PTPRJ: variants seen among roughly 807,000 people sequenced by gnomAD.
PTPRJ encodes the protein receptor-type tyrosine-protein phosphatase eta.
In PTPRJ, 129 loss-of-function variants were observed where a neutral mutation model predicts 141.3. The observed-to-expected ratio is 0.91, with a 90% CI of 0.79 to 1.06. The LOEUF (loss-of-function observed/expected upper bound fraction) is 1.06, where lower values mean the gene tolerates loss of function less well. Ranked by LOEUF, PTPRJ falls within the 50% of genes least tolerant of loss-of-function variation. The pLI, the probability that PTPRJ is intolerant of heterozygous loss-of-function variation, is 0.00. For synonymous variants in PTPRJ, 610 were observed against 640.5 expected (o/e 0.95, Z 0.72); for missense variants, 1,601 against 1,679.7 (o/e 0.95, Z 0.82).
At chr11:48,029,906 G>T (rs1305155952) in intron 1 of PTPRJ, among the ~76,000 whole-genome samples, 1 of 152,144 alleles carries the variant, frequency 6.6e-6, no homozygotes, top group Non-Finnish European at 1.5e-5. Flanking sequence ...TTCCATGTAG[G>T]AACCTTAGCT....
chr11:48,110,030 T>C (rs749344673), intron 1 of PTPRJ, 28 bp from the exon 2 acceptor site: 18 of 1,613,358 alleles, frequency 1.1e-5, no homozygotes, highest in Non-Finnish European at 1.4e-5. Context: ...ATGAATCTGC[T>C]GACTTCCGTT....
intron 1 of PTPRJ, among the ~76,000 whole-genome samples, chr11:48,019,000 C>T (rs977247214): frequency 5.9e-5 from 9 of 151,934 alleles, no homozygotes; most frequent in Non-Finnish European, 8.8e-5. Flanking sequence ...TGTATGTGTG[C>T]GTGTACGTGC....
chr11:48,155,656 G>T, intron 19 of PTPRJ, 145 bp from the exon 20 acceptor site: 1 of 649,082 alleles, frequency 1.5e-6, no homozygotes, highest in Non-Finnish European at 2.7e-6. Context: ...AAATGAGGTG[G>T]TCTATATGAA....
chr11:47,981,345 A>AGCCGGAGGCG (rs951074847), intron 1 of PTPRJ, among the ~76,000 whole-genome samples: 2 of 151,824 alleles, frequency 1.3e-5, no homozygotes, highest in African/African-American at 4.8e-5. Flanking sequence ...CCGGCTTCCT[A>AGCCGGAGGCG]GCCGGAGGCG....
chr11:48,128,136 T>C, intron 7 of PTPRJ, 93 bp downstream of exon 7: 1 of 1,450,418 alleles, frequency 6.9e-7, no homozygotes, highest in Non-Finnish European at 9.4e-7. Context: ...ATGGTGACTG[T>C]TGGCTGACCA....
At chr11:48,143,195 A>T (rs558781674) in intron 12 of PTPRJ, 145 bp downstream of exon 12, 17 of 1,138,196 alleles carry the variant, frequency 1.5e-5, no homozygotes, top group South Asian at 1.0e-4. Context: ...ACAGAGAAGG[A>T]GGGTGAGGTA....
chr11:48,044,490 G>A (rs1358441927), intron 1 of PTPRJ, among the ~76,000 whole-genome samples: 1 of 152,184 alleles, frequency 6.6e-6, no homozygotes, highest in Admixed American at 6.5e-5. Context: ...CTGGTTGGCT[G>A]GCTAGCGAGG....
intron 1 of PTPRJ, among the ~76,000 whole-genome samples, chr11:48,004,077 A>T (rs1020395411): frequency 2.0e-5 from 3 of 152,210 alleles, no homozygotes; most frequent in Non-Finnish European, 4.4e-5. Context: ...TGCAAAGGTC[A>T]TCAGGTGCTC....
chr11:48,051,494 T>C (rs1207658667), intron 1 of PTPRJ, among the ~76,000 whole-genome samples: 1 of 152,222 alleles, frequency 6.6e-6, no homozygotes, highest in African/African-American at 2.4e-5. Flanking sequence ...GCTGATTAAA[T>C]GTGATGTGGA....
At chr11:48,166,321 GT>G (rs1020897521) in intron 24 of PTPRJ, among the ~76,000 whole-genome samples, 5 of 145,436 alleles carry the variant, frequency 3.4e-5, no homozygotes, top group African/African-American at 5.1e-5. Context: ...ATTGGATGCT[GT>G]TTTTTTTTTG....
At chr11:48,020,769 C>T (rs1427242189) in intron 1 of PTPRJ, among the ~76,000 whole-genome samples, 1 of 152,164 alleles carries the variant, frequency 6.6e-6, no homozygotes, top group Admixed American at 6.5e-5. Context: ...CCCTACTCTT[C>T]CTCCTGCCCC....
At chr11:48,071,275 A>G (rs1348759477) in intron 1 of PTPRJ, among the ~76,000 whole-genome samples, 1 of 152,192 alleles carries the variant, frequency 6.6e-6, no homozygotes, top group Non-Finnish European at 1.5e-5. Flanking sequence ...TAGAGGTGAT[A>G]TCTTAGTCTG....
chr11:48,028,915 A>G (rs768967330), intron 1 of PTPRJ, among the ~76,000 whole-genome samples: 6 of 152,376 alleles, frequency 3.9e-5, no homozygotes, highest in Non-Finnish European at 8.8e-5. Context: ...AAGAGGTTAA[A>G]GCTACAAGTT....
intron 18 of PTPRJ, among the ~76,000 whole-genome samples, chr11:48,152,697 TG>T (rs541579057): frequency 8.5e-5 from 13 of 152,354 alleles, no homozygotes; most frequent in Admixed American, 5.2e-4. Flanking sequence ...CTTTCCCCAT[TG>T]CTTGTTTTTG....
At chr11:48,059,764 G>A (rs1046409635) in intron 1 of PTPRJ, among the ~76,000 whole-genome samples, 23 of 152,204 alleles carry the variant, frequency 1.5e-4, no homozygotes, top group African/African-American at 4.8e-4. Flanking sequence ...GGTAGCTACT[G>A]TTAGTTATCA....
At chr11:48,049,515 T>TAAAACAAAAC (rs71457242) in intron 1 of PTPRJ, among the ~76,000 whole-genome samples, 5,875 of 140,878 alleles carry the variant, frequency 0.042, 177 homozygotes, top group African/African-American at 0.064. Flanking sequence ...CCGTCTCTAC[T>TAAAACAAAAC]AAAACAAAAC....
chr11:48,123,900 C>T (rs1456224023), intron 5 of PTPRJ, 30 bp downstream of exon 5: 2 of 1,575,732 alleles, frequency 1.3e-6, no homozygotes, highest in Non-Finnish European at 1.7e-6. Context: ...TTCCGTCTCC[C>T]TTACTGGTTC....
At chr11:48,109,660 A>G (rs1404218678) in intron 1 of PTPRJ, among the ~76,000 whole-genome samples, 1 of 124,034 alleles carries the variant, frequency 8.1e-6, no homozygotes, top group Non-Finnish European at 1.7e-5. Flanking sequence ...CCCCCCACCC[A>G]ACCCCCTTTT....
chr11:48,095,383 A>T (rs1855976325), intron 1 of PTPRJ, among the ~76,000 whole-genome samples: 1 of 152,212 alleles, frequency 6.6e-6, no homozygotes. Context: ...ATTTATTTGT[A>T]CAATGTGGTA....
Sources: gnomAD v4.1 joint callset for allele counts (sites outside exome capture counted in the v4.1 genomes callset) on GRCh38, gnomAD v4.1.1 for gene constraint, MANE v1.5 for transcripts, NCBI Gene and HGNC (gene_info 2026-07-23, HGNC 2026-07-21) for gene names.